Variants in GTF2F1 observed in about 807,000 individuals in gnomAD.
The protein encoded by GTF2F1 is general transcription factor IIF 74 kDa subunit.
Under a neutral mutation model 63.5 loss-of-function variants are expected in GTF2F1, and 39 were observed. That is an observed-to-expected ratio of 0.61 (90% confidence interval 0.48 to 0.80). GTF2F1 has a LOEUF of 0.80. GTF2F1 is among the 30% of genes least tolerant of loss of function. GTF2F1 has a pLI of 0.00. For missense variants in GTF2F1, 657 were observed against 718.3 expected (o/e 0.91, Z 0.97); for synonymous variants, 287 against 285.3 (o/e 1.01, Z -0.06).
Position 6,393,075 on chromosome 19 carries a change from G to A in GTF2F1, c.-80C>T, listed in dbSNP as rs890529044. On this transcript the variant is annotated 5_prime_UTR_variant, in exon 1 of 13. Coordinates refer to ENST00000394456, the MANE Select transcript of GTF2F1 (RefSeq NM_002096.3). Reference sequence around the variant, plus strand: ...TGGCGTGCGCGTCCCTCGATCCCGGGGAAGCCGCCGCTCGGTGTCGGGTCT... The same window carrying A: ...TGGCGTGCGCGTCCCTCGATCCCGGAGAAGCCGCCGCTCGGTGTCGGGTCT... 8.9e-6 allele frequency: 14 copies of A among 1,578,472 alleles called. No homozygotes were observed. Among genetic ancestry groups the A allele is most frequent in the Non-Finnish European group, 1.2e-5 (14 of 1,150,892 alleles).
At position 6,380,882 on chromosome 19, in the gene GTF2F1, C is replaced by G. The variant is rs777452377; in HGVS notation, c.1231+22G>C. 4 of 1,532,360 alleles carry G rather than the reference C, an allele frequency of 2.6e-6. No homozygotes were observed. The South Asian group carries it at 4.9e-5, about 19-fold the overall frequency. The allele number at this position is 1,532,360 out of a possible 1,614,324, so 94.9% of individuals were successfully genotyped here. ...AGGCTGTGGCTGTGGCTGTGGGGAG[C>G]GGGGAGGCCACGGGCACTCACCTTG... On this transcript the variant is annotated intron_variant, in intron 11 of 12. Coordinates refer to ENST00000394456, the MANE Select transcript of GTF2F1 (RefSeq NM_002096.3). This position sits in a 1 kb window ranked among gnomAD's most constrained non-coding sequence, Gnocchi z 5.3.
chr19:6,382,335 A>G (rs772398273), intron 6 of GTF2F1, among the ~76,000 whole-genome samples: 4 of 152,112 alleles, frequency 2.6e-5, no homozygotes, highest in African/African-American at 4.8e-5. Flanking sequence ...GTCTCTACAA[A>G]AAACACAAAA....
In GTF2F1 at chr19:6,381,591, G is replaced by T; in HGVS notation, c.861C>A (p.Ser287Arg). The T allele has an allele frequency of 6.2e-7, 1 of 1,613,784 alleles. No homozygotes were observed. The change falls in exon 8 of 13, where the codon AGC becomes AGA. Residue 287 changes from serine to arginine, a missense_variant. By Grantham distance (110) the Ser-to-Arg change is moderately radical (BLOSUM62 -1). Coordinates refer to ENST00000394456, the MANE Select transcript of GTF2F1 (RefSeq NM_002096.3). This position sits in a 1 kb window ranked among gnomAD's most constrained non-coding sequence, Gnocchi z 4.1. ...CCTCCTGCTGCGGCGCCTTGGCCTT[G>T]CTCTCAGGCTCTTCTTGGGAGCTAC... is the stretch of plus-strand genomic sequence containing the variant. ...GSSSSQEEPESKAKAPQQEEG... is the reference protein window; with the variant it reads ...GSSSSQEEPERKAKAPQQEEG...
chr19:6,391,463 T>G (rs372523234), intron 3 of GTF2F1, among the ~76,000 whole-genome samples: 11,935 of 144,106 alleles, frequency 0.083, 1,344 homozygotes, highest in African/African-American at 0.25. Context: ...TTTTTTTTTT[T>G]TTTTTTTGAG....
Position 6,387,617 on chromosome 19 carries a change from TC to T in GTF2F1, c.327-59del, listed in dbSNP as rs370551251. On this transcript the variant is annotated intron_variant, in intron 4 of 12. Transcript: ENST00000394456. ...AGGGACCAGCCCCAGCCCCCCCGTG[TC>T]CCCCCGGGGCCTGCCTCCTTTATGG... The T allele has an allele frequency of 4.6e-4, 579 of 1,268,492 alleles. 8 individuals carry two copies. In the African/African-American group the frequency reaches 7.6e-3, roughly 17 times the overall value. The allele number at this position is 1,268,492 out of a possible 1,614,324, so 78.6% of individuals were successfully genotyped here.
intron 5 of GTF2F1, among the ~76,000 whole-genome samples, chr19:6,384,715 G>A (rs953131204): frequency 2.6e-5 from 4 of 151,988 alleles, no homozygotes; most frequent in Admixed American, 6.6e-5. Flanking sequence ...CTGGAGGCTC[G>A]CTTGAACCCA....
chr19:6,383,276 C>T lies in GTF2F1; in HGVS notation c.682+35G>A. 3.1e-6 allele frequency: 5 copies of T among 1,603,240 alleles called. No individual in the cohort carries two copies. The highest frequency in any genetic ancestry group is 1.1e-5 in the South Asian group (1 of 90,812). The stretch of plus-strand genomic sequence containing the variant: ...TTCACTGGCACTGCCTGAGCAGGCA[C>T]CTCTGTGACCTAATGCCCAGGCGCC... On this transcript the variant is annotated intron_variant, in intron 6 of 12. Coordinates refer to ENST00000394456, the MANE Select transcript of GTF2F1 (RefSeq NM_002096.3). The surrounding 1 kb of genome is among the most constrained non-coding windows in gnomAD (Gnocchi z 4.5).
rs113534430 is a variant in GTF2F1 at position 6,387,608 on chromosome 19, C to T, written c.327-49G>A. 308 of 1,299,764 alleles carry T rather than the reference C, an allele frequency of 2.4e-4. 9 individuals carry two copies. The African/African-American group carries it at 3.0e-3, about 13-fold the overall frequency. The allele number at this position is 1,299,764 out of a possible 1,614,324, so 80.5% of individuals were successfully genotyped here. A position where few individuals can be genotyped will look rare whatever the true frequency, so the allele number is the denominator to read the frequency against. ...CTGGCCCATAGGGACCAGCCCCAGC[C>T]CCCCCGTGTCCCCCCGGGGCCTGCC... On this transcript the variant is annotated intron_variant, in intron 4 of 12. Transcript: ENST00000394456.
Position 6,383,768 on chromosome 19 carries a change from G to A in GTF2F1, c.498-273C>T, listed in dbSNP as rs2091964273. ...GGACTCAGAGTCTGGCCCCAATCCA[G>A]TCACACTGGTTTCTTGCTATTTTTT... On this transcript the variant is annotated intron_variant, in intron 5 of 12. Transcript: ENST00000394456. The surrounding 1 kb of genome is among the most constrained non-coding windows in gnomAD (Gnocchi z 4.5). 6.6e-6 allele frequency among the ~76,000 whole-genome samples: 1 copy of A among 152,146 alleles called. No individual in the cohort carries two copies. Among genetic ancestry groups the A allele is most frequent in the Admixed American group, 6.6e-5 (1 of 15,250 alleles).
At position 6,380,674 on chromosome 19, in the gene GTF2F1, C is replaced by G; in HGVS notation, c.1248G>C (p.Glu416Asp). 1 of 1,612,388 alleles carries G rather than the reference C, an allele frequency of 6.2e-7. No individual in the cohort carries two copies. The highest frequency in any genetic ancestry group is 8.5e-7 in the Non-Finnish European group (1 of 1,180,012). The change falls in exon 12 of 13, where the codon GAG becomes GAC. Residue 416 changes from glutamate to aspartate, a missense_variant. Around this residue, in one of 2 missense-constraint regions of GTF2F1, gnomAD observed 602 missense variants for 625.6 expected, o/e 0.96. Transcript: ENST00000394456. This position sits in a 1 kb window ranked among gnomAD's most constrained non-coding sequence, Gnocchi z 5.3. Reference sequence around the variant, plus strand: ...GCCGCAACCGCTTGGCTGCAGGCATCTCGCTCACCCGCTTCCCTGTGGGAG... The same window carrying G: ...GCCGCAACCGCTTGGCTGCAGGCATGTCGCTCACCCGCTTCCCTGTGGGAG... ...SKLEQGKRVS[E>D]MPAAKRLRLD...
intron 3 of GTF2F1, among the ~76,000 whole-genome samples, chr19:6,391,610 A>G (rs774558071): frequency 1.3e-5 from 2 of 151,676 alleles, no homozygotes; most frequent in African/African-American, 4.8e-5. Context: ...TATCAGCCCC[A>G]ACTAACTTTT....
rs2091944540 is a variant in GTF2F1, at chr19:6,380,858, G to A, written c.1231+46C>T. On this transcript the variant is annotated intron_variant, in intron 11 of 12. Coordinates refer to ENST00000394456, the MANE Select transcript of GTF2F1 (RefSeq NM_002096.3). The surrounding 1 kb of genome is among the most constrained non-coding windows in gnomAD (Gnocchi z 5.3). ...TCCTGAGCCCCAACAGAGGTCAGGA[G>A]GCTGTGGCTGTGGCTGTGGGGAGCG... 2 of 1,517,194 alleles carry A rather than the reference G, an allele frequency of 1.3e-6. No individual in the cohort carries two copies. Among genetic ancestry groups the A allele is most frequent in the Non-Finnish European group, 1.8e-6 (2 of 1,135,630 alleles). The allele number at this position is 1,517,194 out of a possible 1,614,324, so 94.0% of individuals were successfully genotyped here.
chr19:6,389,708 C>T, intron 3 of GTF2F1, 71 bp from the exon 4 acceptor site: 2 of 1,371,854 alleles, frequency 1.5e-6, no homozygotes, highest in Non-Finnish European at 2.0e-6. Context: ...TCCAGGAACG[C>T]CCTTCCTTGC....
chr19:6,381,292 G>C lies in GTF2F1; in HGVS notation c.1018+67C>G, dbSNP rs181079080. ...AGATGAGGGAGGCCTGCAGGGGAGA[G>C]GGGAGGAGGTGGCAGGGCGCCAGGG... On this transcript the variant is annotated intron_variant, in intron 9 of 12. Coordinates refer to ENST00000394456, the MANE Select transcript of GTF2F1 (RefSeq NM_002096.3). The surrounding 1 kb of genome is among the most constrained non-coding windows in gnomAD (Gnocchi z 4.1). 10 of 1,546,362 alleles carry C rather than the reference G, an allele frequency of 6.5e-6. No homozygotes were observed. In the African/African-American group the frequency reaches 1.2e-4, roughly 19 times the overall value.
chr19:6,387,745 C>T (rs921011454), intron 4 of GTF2F1, among the ~76,000 whole-genome samples, 186 bp from the exon 5 acceptor site: 7 of 150,536 alleles, frequency 4.7e-5, no homozygotes, highest in African/African-American at 1.5e-4. Flanking sequence ...ACAGGGCCGG[C>T]GCACCTACCC....
rs752964255 is a variant in GTF2F1, at chr19:6,387,425, G to A, written c.461C>T (p.Thr154Met). Reference sequence around the variant, plus strand: ...CTCCTCGGCCTCCTCGGCAGTGAGCGTGCGATGCCGGGCCAGCGGTGTGAA... The same window carrying A: ...CTCCTCGGCCTCCTCGGCAGTGAGCATGCGATGCCGGGCCAGCGGTGTGAA... ...YNFTPLARHR[T>M]LTAEEAEEEW... Residue 154 changes from threonine (T) to methionine (M), a missense_variant, in exon 5 of 13, where the codon ACG becomes ATG. Physicochemically the swap from Thr to Met is moderately conservative, Grantham distance 81. Around this residue, in one of 2 missense-constraint regions of GTF2F1, gnomAD observed 602 missense variants for 625.6 expected, o/e 0.96. Transcript: ENST00000394456. The A allele has an allele frequency of 9.9e-6, 16 of 1,614,130 alleles. 1 individual carries two copies. The African/African-American group carries it at 1.5e-4, about 15-fold the overall frequency.
intron 5 of GTF2F1, among the ~76,000 whole-genome samples, chr19:6,386,429 A>G (rs924183112): frequency 6.6e-6 from 1 of 152,034 alleles, no homozygotes; most frequent in African/African-American, 2.4e-5. Flanking sequence ...AAAAAACACC[A>G]AAGAGGGAAA....
Position 6,380,246 on chromosome 19 carries a change from G to C in GTF2F1, c.*35C>G, listed in dbSNP as rs2145070340. On this transcript the variant is annotated 3_prime_UTR_variant, in exon 13 of 13. Coordinates refer to ENST00000394456, the MANE Select transcript of GTF2F1 (RefSeq NM_002096.3). This position sits in a 1 kb window ranked among gnomAD's most constrained non-coding sequence, Gnocchi z 5.3. ...GGCGAAGGGGCAGTGAGAGCCTTAAGTTCTGGGGGGCAGAGCCATGTATTG... is the reference window on the plus strand; with the variant it reads ...GGCGAAGGGGCAGTGAGAGCCTTAACTTCTGGGGGGCAGAGCCATGTATTG... 6.4e-7 allele frequency: 1 copy of C among 1,567,952 alleles called. No individual in the cohort carries two copies. The highest frequency in any genetic ancestry group is 1.7e-4 in the Middle Eastern group (1 of 5,990).
chr19:6,385,059 C>A (rs2091968888), intron 5 of GTF2F1, among the ~76,000 whole-genome samples: 1 of 152,018 alleles, frequency 6.6e-6, no homozygotes, highest in African/African-American at 2.4e-5. Context: ...ACGTGCCCAG[C>A]CTGAACAGTT....
Sources: gnomAD v4.1 joint callset for allele counts (sites outside exome capture counted in the v4.1 genomes callset) on GRCh38, gnomAD v4.1.1 for gene constraint, gnomAD v4.1.1 regional missense constraint, Gnocchi (gnomAD v3.1) non-coding constraint, MANE v1.5 for transcripts, NCBI Gene and HGNC (gene_info 2026-07-23, HGNC 2026-07-21) for gene names.